The following TCF12 variants were observed in gnomAD, a reference collection of about 807,000 sequenced individuals.
TCF12 encodes DNA-binding protein HTF4.
Under a neutral mutation model 86.0 loss-of-function variants are expected in TCF12, and 45 were observed. The observed-to-expected ratio is 0.52, with a 90% confidence interval of 0.41 to 0.67. TCF12 has a LOEUF of 0.67. Ranked by LOEUF, TCF12 falls within the 30% of genes least tolerant of loss-of-function variation. TCF12 has a pLI of 0.00. For missense variants in TCF12, 881 were observed against 859.9 expected, an observed-to-expected ratio of 1.02 and a Z score of -0.31; for synonymous variants, 330 against 299.6, an observed-to-expected ratio of 1.10 and a Z score of -1.05.
chr15:57,272,491 G>C (rs2061189109), intron 18 of TCF12, among the ~76,000 whole-genome samples: 1 of 152,182 alleles, frequency 6.6e-6, no homozygotes, highest in African/African-American at 2.4e-5. Flanking sequence ...CTTTTCGCCA[G>C]GTAACCGCCA....
intron 3 of TCF12, among the ~76,000 whole-genome samples, chr15:57,036,261 G>A (rs28384214): frequency 6.7e-6 from 1 of 149,898 alleles, no homozygotes; most frequent in African/African-American, 2.5e-5. Context: ...AAGGTTTTTT[G>A]TTTTTTTTTC....
At chr15:57,282,420 T>C (rs2061733290) in intron 19 of TCF12, 25 bp from the exon 20 acceptor site, 1 of 1,613,956 alleles carries the variant, frequency 6.2e-7, no homozygotes, top group Non-Finnish European at 8.5e-7. Flanking sequence ...ACCATAGTGA[T>C]AAAAATTCTT....
Position 57,232,288 on chromosome 15 carries a change from T to C in TCF12, c.686-3T>C. 2 of 1,613,856 alleles carry C rather than the reference T, an allele frequency of 1.2e-6. No homozygotes were observed. The highest frequency in any genetic ancestry group is 1.7e-6 in the Non-Finnish European group (2 of 1,179,846). On this transcript the variant is annotated splice_polypyrimidine_tract_variant and splice_region_variant and intron_variant, in intron 9 of 20. Transcript: ENST00000333725. ...AAATTTTATATTTCTCTTTTTGTCTTAGATGGGACCCACAATTCTTCTGAC... is the reference window on the plus strand; with the variant it reads ...AAATTTTATATTTCTCTTTTTGTCTCAGATGGGACCCACAATTCTTCTGAC...
chr15:56,919,734 C>G, intron 1 of TCF12, 158 bp from the exon 2 acceptor site: 1 of 593,092 alleles, frequency 1.7e-6, no homozygotes, highest in Non-Finnish European at 2.9e-6. Flanking sequence ...TGAGCCCTCC[C>G]GCCCCTTGCT....
intron 3 of TCF12, among the ~76,000 whole-genome samples, chr15:57,060,924 A>T (rs1188129924): frequency 6.6e-6 from 1 of 152,188 alleles, no homozygotes; most frequent in Admixed American, 6.5e-5. Flanking sequence ...CATTGATTCT[A>T]AAAGATGACT....
At chr15:57,049,884 C>T (rs988101961) in intron 3 of TCF12, among the ~76,000 whole-genome samples, 33 of 151,972 alleles carry the variant, frequency 2.2e-4, no homozygotes, top group African/African-American at 7.0e-4. Context: ...TTTTCTTTTG[C>T]GCCATTAATT....
At chr15:56,932,519 A>G (rs1366905413) in intron 3 of TCF12, among the ~76,000 whole-genome samples, 1 of 152,118 alleles carries the variant, frequency 6.6e-6, no homozygotes, top group African/African-American at 2.4e-5. Context: ...TAAATGGGGT[A>G]CTGTTGATAT....
At chr15:56,961,075 G>T (rs1183504778) in intron 3 of TCF12, among the ~76,000 whole-genome samples, 6 of 150,490 alleles carry the variant, frequency 4.0e-5, no homozygotes, top group Non-Finnish European at 5.9e-5. Context: ...GGGAGGCAGA[G>T]GTTGCAGTAG....
At chr15:57,000,414 A>G (rs929198015) in intron 3 of TCF12, among the ~76,000 whole-genome samples, 3 of 152,128 alleles carry the variant, frequency 2.0e-5, no homozygotes, top group African/African-American at 7.2e-5. Flanking sequence ...ACATGGGTCA[A>G]TGAAGAAATC....
At chr15:57,097,987 C>A (rs984199312) in intron 5 of TCF12, among the ~76,000 whole-genome samples, 1 of 121,098 alleles carries the variant, frequency 8.3e-6, no homozygotes, top group Admixed American at 1.1e-4. Context: ...GAAACCCCAT[C>A]TCTACTAAAA....
At chr15:56,940,741 T>G in intron 3 of TCF12, among the ~76,000 whole-genome samples, 1 of 89,430 alleles carries the variant, frequency 1.1e-5, no homozygotes, top group African/African-American at 5.3e-5. Context: ...TCCCCCCCCT[T>G]CTCCTCCTTC....
At chr15:56,928,294 C>T (rs568657356) in intron 3 of TCF12, among the ~76,000 whole-genome samples, 1 of 151,834 alleles carries the variant, frequency 6.6e-6, no homozygotes, top group East Asian at 1.9e-4. Context: ...AAAATGGTAG[C>T]TGCTATTATT....
At chr15:57,076,147 C>T (rs1344594379) in intron 4 of TCF12, among the ~76,000 whole-genome samples, 5 of 151,772 alleles carry the variant, frequency 3.3e-5, no homozygotes, top group African/African-American at 4.8e-5. Flanking sequence ...TGAGCCACTG[C>T]GTTCGGATGG....
intron 3 of TCF12, among the ~76,000 whole-genome samples, chr15:56,993,152 G>A (rs958383528): frequency 1.3e-5 from 2 of 152,076 alleles, no homozygotes; most frequent in South Asian, 4.2e-4. Flanking sequence ...TAAAAGTGGG[G>A]CAATCTGAAA....
At chr15:56,940,611 C>T (rs2060712845) in intron 3 of TCF12, among the ~76,000 whole-genome samples, 1 of 149,682 alleles carries the variant, frequency 6.7e-6, no homozygotes, top group South Asian at 2.2e-4. Flanking sequence ...TCTCCTCCTT[C>T]TTCTCCCTCT....
chr15:57,110,854 T>TAA (rs1322418083), intron 5 of TCF12, among the ~76,000 whole-genome samples: 29 of 152,216 alleles, frequency 1.9e-4, no homozygotes, highest in African/African-American at 7.0e-4. Context: ...CTAGAAGCTT[T>TAA]ACCTTCAGAT....
intron 9 of TCF12, among the ~76,000 whole-genome samples, chr15:57,231,633 T>C (rs1322538918): frequency 6.6e-6 from 1 of 152,178 alleles, no homozygotes; most frequent in Non-Finnish European, 1.5e-5. Context: ...AGAGTGAATA[T>C]CATAGAACAG....
chr15:57,263,916 T>A (rs1424483638), intron 18 of TCF12, among the ~76,000 whole-genome samples: 2 of 152,220 alleles, frequency 1.3e-5, no homozygotes, highest in African/African-American at 4.8e-5. Context: ...GGACTCGAAA[T>A]TGCTCTGGGT....
chr15:57,089,318 A>G (rs1169318201), intron 4 of TCF12, among the ~76,000 whole-genome samples: 1 of 152,212 alleles, frequency 6.6e-6, no homozygotes, highest in African/African-American at 2.4e-5. Flanking sequence ...TAGTATATGC[A>G]TATAATCTCA....
Sources: allele counts gnomAD v4.1 joint callset (sites outside exome capture counted in the v4.1 genomes callset), GRCh38; gene constraint gnomAD v4.1.1; transcripts MANE v1.5; gene names NCBI Gene and HGNC (gene_info 2026-07-23, HGNC 2026-07-21).